PMS1: variants seen among roughly 807,000 people sequenced by gnomAD.
PMS1 encodes PMS1 protein homolog 1.
A neutral mutation model predicts 93.1 loss-of-function variants in PMS1; 79 were observed. The ratio of observed to expected loss-of-function variants is 0.85; its 90% CI spans 0.71 to 1.02. The LOEUF (loss-of-function observed/expected upper bound fraction) is 1.02, where lower values mean the gene tolerates loss of function less well. Among genes scored for constraint, PMS1 ranks in the 50% least tolerant of loss-of-function variants. PMS1 has a pLI of 0.00. For missense variants in PMS1, 1,064 were observed against 1,085.3 expected (o/e 0.98, Z 0.28); for synonymous variants, 335 against 363.4 (o/e 0.92, Z 0.89).
chr2:189,853,843 T>TTGC, intron 7 of PMS1, 96 bp from the exon 8 acceptor site: 1 of 749,442 alleles, frequency 1.3e-6, no homozygotes, highest in East Asian at 2.8e-5. Context: ...TAATAAGCAG[T>TTGC]TGCATCTACT....
chr2:189,802,400 A>G (rs956553219), intron 3 of PMS1, among the ~76,000 whole-genome samples: 3 of 152,234 alleles, frequency 2.0e-5, no homozygotes, highest in African/African-American at 2.4e-5. Context: ...TATGTTTGCT[A>G]TTCATTAAGT....
In PMS1 at chr2:189,867,877, C is replaced by G; in HGVS notation, c.2421C>G (p.Tyr807Ter). The change falls in exon 11 of 13, where the codon TAC (tyrosine) becomes TAG (stop). Residue 807 changes from tyrosine to a stop codon, truncating the protein, a stop_gained. Coordinates refer to ENST00000441310, the MANE Select transcript of PMS1 (RefSeq NM_000534.5). LOFTEE classifies it high-confidence loss of function. ...ADDQRYSGST[Y>*]LSDPRLTANG... ...ACCAAAGATACAGTGGATCAACTTA[C>G]CTGTCTGATCCTCGTCTTACAGCGA... is the stretch of plus-strand genomic sequence containing the variant. 6.3e-7 allele frequency: 1 copy of G among 1,597,014 alleles called. No individual in the cohort carries two copies. The highest frequency in any genetic ancestry group is 8.6e-7 in the Non-Finnish European group (1 of 1,164,608).
At chr2:189,795,099 AG>A (rs1181124913) in intron 2 of PMS1, among the ~76,000 whole-genome samples, 1 of 152,192 alleles carries the variant, frequency 6.6e-6, no homozygotes, top group Non-Finnish European at 1.5e-5. Context: ...ATCTAAAAAA[AG>A]TCTTGATTTT....
At chr2:189,833,788 A>C (rs1307658526) in intron 5 of PMS1, among the ~76,000 whole-genome samples, 1 of 152,166 alleles carries the variant, frequency 6.6e-6, no homozygotes, top group Non-Finnish European at 1.5e-5. Flanking sequence ...GATGGATGAG[A>C]ATAATTCTTA....
intron 5 of PMS1, among the ~76,000 whole-genome samples, chr2:189,821,930 A>G (rs1229949282): frequency 6.6e-6 from 1 of 152,198 alleles, no homozygotes; most frequent in East Asian, 1.9e-4. Context: ...TGTATCTTCT[A>G]AGTTTTTTTG....
intron 5 of PMS1, among the ~76,000 whole-genome samples, chr2:189,840,594 C>T (rs1419827656): frequency 6.6e-6 from 1 of 152,098 alleles, no homozygotes; most frequent in South Asian, 2.1e-4. Context: ...TGGAGAAATA[C>T]CTGAATTATT....
chr2:189,812,466 G>C (rs2050931057), intron 4 of PMS1, among the ~76,000 whole-genome samples: 1 of 152,206 alleles, frequency 6.6e-6, no homozygotes, highest in Admixed American at 6.5e-5. Flanking sequence ...GAAGGAAAAT[G>C]ATTCTACATG....
intron 3 of PMS1, among the ~76,000 whole-genome samples, chr2:189,800,097 A>G (rs767224208): frequency 6.6e-6 from 1 of 152,220 alleles, no homozygotes; most frequent in Non-Finnish European, 1.5e-5. Context: ...TTCATTGTCT[A>G]CGCATGCAGG....
intron 3 of PMS1, among the ~76,000 whole-genome samples, chr2:189,804,851 T>G (rs1470642822): frequency 6.6e-6 from 1 of 152,166 alleles, no homozygotes; most frequent in Non-Finnish European, 1.5e-5. Flanking sequence ...GAGGCTACCT[T>G]CTTCCCAATG....
chr2:189,830,208 A>G (rs2052800945), intron 5 of PMS1, among the ~76,000 whole-genome samples: 1 of 152,210 alleles, frequency 6.6e-6, no homozygotes, highest in South Asian at 2.1e-4. Flanking sequence ...TTTATTTACA[A>G]AAACAGGAAG....
intron 5 of PMS1, among the ~76,000 whole-genome samples, chr2:189,842,265 C>T (rs937403473): frequency 3.3e-5 from 5 of 151,990 alleles, no homozygotes; most frequent in Non-Finnish European, 7.4e-5. Context: ...CCACACTTTG[C>T]TGCTGCTCTT....
chr2:189,791,210 T>G (rs1308268510), intron 1 of PMS1, among the ~76,000 whole-genome samples: 2 of 152,204 alleles, frequency 1.3e-5, no homozygotes, highest in Admixed American at 6.5e-5. Flanking sequence ...TTGCCTTAGC[T>G]CTGCCTCTTA....
chr2:189,864,274 T>C (rs1397948533), intron 10 of PMS1, 46 bp downstream of exon 10: 1 of 1,228,970 alleles, frequency 8.1e-7, no homozygotes, highest in South Asian at 1.2e-5. Context: ...TTTATTATAA[T>C]AGTTCATACT....
chr2:189,791,553 G>A (rs921638519), intron 1 of PMS1: 2 of 386,388 alleles, frequency 5.2e-6, no homozygotes, highest in Admixed American at 7.5e-5. Context: ...GGAGGCAGAG[G>A]TTGCAGTGAG....
chr2:189,805,824 A>AT (rs397751218), intron 4 of PMS1, 70 bp downstream of exon 4: 1 of 1,591,292 alleles, frequency 6.3e-7, no homozygotes, highest in Non-Finnish European at 8.6e-7. Context: ...AAAAAAAAAA[A>AT]GTTACTCGGT....
At chr2:189,869,443 G>T (rs2056943597) in intron 11 of PMS1, among the ~76,000 whole-genome samples, 1 of 151,968 alleles carries the variant, frequency 6.6e-6, no homozygotes, top group African/African-American at 2.4e-5. Flanking sequence ...GATGGGTGGG[G>T]GTATATGTGT....
At chr2:189,874,080 G>T (rs1042780318) in intron 12 of PMS1, among the ~76,000 whole-genome samples, 1 of 151,342 alleles carries the variant, frequency 6.6e-6, no homozygotes, top group Non-Finnish European at 1.5e-5. Flanking sequence ...GTTTTATTAT[G>T]TATTTGCAAG....
intron 5 of PMS1, among the ~76,000 whole-genome samples, chr2:189,828,097 G>GA (rs1057135961): frequency 2.4e-4 from 37 of 151,284 alleles, no homozygotes; most frequent in Admixed American, 2.4e-3. Context: ...CTAATTTTTT[G>GA]TTTTTTTTAG....
intron 4 of PMS1, among the ~76,000 whole-genome samples, chr2:189,815,542 C>G (rs2051221389): frequency 2.0e-5 from 3 of 152,190 alleles, no homozygotes; most frequent in African/African-American, 4.8e-5. Context: ...CTCACACTCT[C>G]TCATGCCGCC....
Sources: allele counts gnomAD v4.1 joint callset (sites outside exome capture counted in the v4.1 genomes callset), GRCh38; gene constraint gnomAD v4.1.1; transcripts MANE v1.5; gene names NCBI Gene and HGNC (gene_info 2026-07-23, HGNC 2026-07-21).